KATNAL1: variants seen among roughly 807,000 people sequenced by gnomAD.
The protein encoded by KATNAL1 is katanin p60 ATPase-containing subunit A-like 1.
In KATNAL1, 32 loss-of-function variants were observed where a neutral mutation model predicts 55.2. That is an observed-to-expected ratio of 0.58 (90% CI 0.44 to 0.78). The LOEUF (loss-of-function observed/expected upper bound fraction) is 0.78, where lower values mean the gene tolerates loss of function less well. Ranked by LOEUF, KATNAL1 falls within the 30% of genes least tolerant of loss-of-function variation. The pLI is 0.00. For synonymous variants in KATNAL1, 193 were observed against 193.6 expected (o/e 1.00, Z 0.02); for missense variants, 466 against 600.9 (o/e 0.78, Z 2.35).
intron 8 of KATNAL1, 104 bp downstream of exon 8, chr13:30,230,364 C>G (rs1875973921): frequency 5.9e-6 from 6 of 1,019,252 alleles, no homozygotes; most frequent in Non-Finnish European, 8.3e-6. Context: ...GGTGAATGAA[C>G]AAATAATTAA....
chr13:30,251,031 G>A (rs376224111), intron 4 of KATNAL1, among the ~76,000 whole-genome samples: 30 of 151,810 alleles, frequency 2.0e-4, no homozygotes, highest in East Asian at 9.7e-4. Flanking sequence ...CCAGCTACTC[G>A]GGAGGCTGAG....
intron 9 of KATNAL1, among the ~76,000 whole-genome samples, chr13:30,218,538 G>A (rs1267479829): frequency 2.6e-5 from 4 of 152,118 alleles, no homozygotes; most frequent in African/African-American, 4.8e-5. Context: ...TCTACAATGT[G>A]ATCCTACCAC....
intron 6 of KATNAL1, among the ~76,000 whole-genome samples, chr13:30,236,915 T>C (rs898330613): frequency 6.6e-6 from 1 of 152,234 alleles, no homozygotes; most frequent in African/African-American, 2.4e-5. Flanking sequence ...CTTCATCACA[T>C]CTGCCTGTTT....
intron 3 of KATNAL1, among the ~76,000 whole-genome samples, chr13:30,273,071 T>C (rs891583874): frequency 2.6e-5 from 4 of 152,216 alleles, no homozygotes; most frequent in African/African-American, 4.8e-5. Context: ...CTCAAGGGCA[T>C]TGCTCCAGCA....
At chr13:30,302,135 A>G (rs541047030) in intron 1 of KATNAL1, among the ~76,000 whole-genome samples, 14 of 152,196 alleles carry the variant, frequency 9.2e-5, no homozygotes, top group Non-Finnish European at 2.1e-4. Context: ...TCAGCCTCCC[A>G]AAGTGCTGGG....
rs563494329 is a variant in KATNAL1 at position 30,269,679 on chromosome 13, G to A, written c.323+10384C>T. 1.5e-3 allele frequency among the ~76,000 whole-genome samples: 233 copies of A among 150,536 alleles called. 1 individual carries two copies. Among genetic ancestry groups the A allele is most frequent in the Admixed American group, 8.9e-3 (134 of 15,030 alleles). On this transcript the variant is annotated intron_variant, in intron 3 of 10. Coordinates refer to ENST00000380615, the MANE Select transcript of KATNAL1 (RefSeq NM_032116.5). ...TGGGATGTGAGGAGCGCCTCTACCC[G>A]GCCGCGACCCCGTCTGGGAGGTGAG...
chr13:30,304,702 G>A (rs2137579187), intron 1 of KATNAL1, among the ~76,000 whole-genome samples: 1 of 152,130 alleles, frequency 6.6e-6, no homozygotes, highest in Non-Finnish European at 1.5e-5. Flanking sequence ...TCTAACTCCA[G>A]CCTGCTCTCT....
At chr13:30,264,040 G>A (rs1246112052) in intron 3 of KATNAL1, among the ~76,000 whole-genome samples, 1 of 147,886 alleles carries the variant, frequency 6.8e-6, no homozygotes. Flanking sequence ...ATAGATCAAC[G>A]GAACAAAACA....
At chr13:30,210,520 T>C (rs1052792728) in intron 9 of KATNAL1, 78 bp from the exon 10 acceptor site, 13 of 1,396,306 alleles carry the variant, frequency 9.3e-6, no homozygotes, top group African/African-American at 1.5e-5. Flanking sequence ...TATTAACATT[T>C]GGGGGAAAAA....
intron 3 of KATNAL1, among the ~76,000 whole-genome samples, chr13:30,276,622 T>A (rs757254895): frequency 6.6e-6 from 1 of 152,216 alleles, no homozygotes; most frequent in East Asian, 1.9e-4. Flanking sequence ...AAGTTCTTTT[T>A]AGTTACCTTT....
rs1873041598 is a variant in KATNAL1 at position 30,205,637 on chromosome 13, AGTG to A, written c.*2900_*2902del. ...GAGTGTGTGTGTGTGTGTGTATGTG[AGTG>A]TGAGTGTGTGTGTGATGTACATTAA... On this transcript the variant is annotated 3_prime_UTR_variant, in exon 11 of 11. Coordinates refer to ENST00000380615, the MANE Select transcript of KATNAL1 (RefSeq NM_032116.5). 1.9e-5 allele frequency: 2 copies of A among 103,164 alleles called. No homozygotes were observed. Among genetic ancestry groups the A allele is most frequent in the Non-Finnish European group, 4.3e-5 (2 of 46,864 alleles). The allele number at this position is 103,164 out of a possible 1,614,324, so 6.4% of individuals were successfully genotyped here.
At chr13:30,290,997 T>C (rs1390705503) in intron 1 of KATNAL1, among the ~76,000 whole-genome samples, 1 of 152,180 alleles carries the variant, frequency 6.6e-6, no homozygotes, top group African/African-American at 2.4e-5. Context: ...GGCTAGCATA[T>C]GTATTGTGAA....
intron 10 of KATNAL1, among the ~76,000 whole-genome samples, chr13:30,210,033 C>T (rs1222089905): frequency 6.6e-6 from 1 of 152,144 alleles, no homozygotes; most frequent in Non-Finnish European, 1.5e-5. Context: ...CCACCCGCCT[C>T]GGCCTCCCAA....
rs977441625 is a variant in KATNAL1 at position 30,279,401 on chromosome 13, G to A, written c.323+662C>T. On this transcript the variant is annotated intron_variant, in intron 3 of 10. Coordinates refer to ENST00000380615, the MANE Select transcript of KATNAL1 (RefSeq NM_032116.5). ...GCTATGTCTGGGCAAATCAAAAGAG[G>A]CTGCAGAGGGGATAGTCAGTTGAGT... Among the ~76,000 whole-genome samples, 27 of 152,310 alleles carry A rather than the reference G, an allele frequency of 1.8e-4. No homozygotes were observed. In the East Asian group the frequency reaches 5.0e-3, roughly 28 times the overall value.
At chr13:30,284,326 C>T (rs951379568) in intron 1 of KATNAL1, among the ~76,000 whole-genome samples, 12 of 152,170 alleles carry the variant, frequency 7.9e-5, no homozygotes, top group African/African-American at 2.4e-4. Flanking sequence ...TACTGATTTA[C>T]TTACAGGTAC....
At chr13:30,286,055 G>A (rs755026349) in intron 1 of KATNAL1, among the ~76,000 whole-genome samples, 4 of 152,216 alleles carry the variant, frequency 2.6e-5, no homozygotes, top group Non-Finnish European at 4.4e-5. Flanking sequence ...CAAAGATATG[G>A]TTTGGAATTG....
intron 1 of KATNAL1, among the ~76,000 whole-genome samples, chr13:30,306,532 T>C (rs1294370324): frequency 2.0e-5 from 3 of 152,170 alleles, no homozygotes; most frequent in Non-Finnish European, 4.4e-5. Flanking sequence ...AAGTTAAAAA[T>C]GCCAGATACC....
chr13:30,214,242 A>G (rs1416392273), intron 9 of KATNAL1, among the ~76,000 whole-genome samples: 2 of 152,258 alleles, frequency 1.3e-5, no homozygotes, highest in Non-Finnish European at 2.9e-5. Context: ...TTCAAGAAGA[A>G]CTACAAACCA....
rs1400958965 is a variant in KATNAL1 at position 30,255,719 on chromosome 13, C to G, written c.324-104G>C. The G allele has an allele frequency of 7.1e-6, 8 of 1,122,508 alleles. No homozygotes were observed. The East Asian group carries it at 9.8e-5, about 14-fold the overall frequency. 69.5% of individuals were successfully genotyped at this position (1,122,508 alleles called of 1,614,324 possible). A position where few individuals can be genotyped will look rare whatever the true frequency, so the allele number is the denominator to read the frequency against. Reference sequence around the variant, plus strand: ...TCAATAAAATTGTTAAATCAAAAAGCCCGAAAGCTAATTTTTTCACCTTTG... The same window carrying G: ...TCAATAAAATTGTTAAATCAAAAAGGCCGAAAGCTAATTTTTTCACCTTTG... On this transcript the variant is annotated intron_variant, in intron 3 of 10. Transcript: ENST00000380615.
Sources: allele counts gnomAD v4.1 joint callset (sites outside exome capture counted in the v4.1 genomes callset), GRCh38; gene constraint gnomAD v4.1.1; transcripts MANE v1.5; gene names NCBI Gene and HGNC (gene_info 2026-07-23, HGNC 2026-07-21).